The following PRKCH variants were observed in gnomAD, a reference collection of about 807,000 sequenced individuals.
The protein encoded by PRKCH is protein kinase C eta type.
Under a neutral mutation model 82.5 loss-of-function variants are expected in PRKCH, and 28 were observed. The ratio of observed to expected loss-of-function variants is 0.34; its 90% CI spans 0.25 to 0.47. The LOEUF is 0.47. PRKCH is among the 20% of genes least tolerant of loss of function. The probability of loss-of-function intolerance (pLI) is 1.00; values close to 1 mark genes in which losing one functional copy is unlikely to be tolerated. For synonymous variants in PRKCH, 322 were observed against 327.4 expected, an observed-to-expected ratio of 0.98 and a Z score of 0.18; for missense variants, 705 against 881.8, an observed-to-expected ratio of 0.80 and a Z score of 2.54.
chr14:61,251,550 T>C (rs1357039641), intron 1 of PRKCH, among the ~76,000 whole-genome samples: 1 of 152,244 alleles, frequency 6.6e-6, no homozygotes, highest in East Asian at 1.9e-4. Flanking sequence ...TTCTTATGGC[T>C]GAATGGTATT....
Position 61,491,422 on chromosome 14 carries a change from G to A in PRKCH, c.1433+5766G>A, listed in dbSNP as rs144086024. ...AGCCATGGGAATGCTCAGTATATTAGTAACTTTCACATCAGACTTTGGCTG... is the reference window on the plus strand; with the variant it reads ...AGCCATGGGAATGCTCAGTATATTAATAACTTTCACATCAGACTTTGGCTG... On this transcript the variant is annotated intron_variant, in intron 10 of 13. Transcript: ENST00000332981. Among the ~76,000 whole-genome samples the A allele has an allele frequency of 3.3e-4, 51 of 152,260 alleles. No individual in the cohort carries two copies. The East Asian group carries it at 7.7e-3, about 23-fold the overall frequency.
chr14:61,525,718 T>C (rs1285667937), intron 10 of PRKCH: 1 of 152,232 alleles, frequency 6.6e-6, no homozygotes, highest in Non-Finnish European at 1.5e-5. Flanking sequence ...TTAGCACTTG[T>C]TTCTGTTGCC....
At chr14:61,483,599 A>C (rs1159197402) in intron 9 of PRKCH, among the ~76,000 whole-genome samples, 1 of 152,208 alleles carries the variant, frequency 6.6e-6, no homozygotes, top group African/African-American at 2.4e-5. Flanking sequence ...ATAGGAGGTC[A>C]TAAGCCGTGC....
chr14:61,422,305 A>G (rs1166537088), intron 2 of PRKCH, among the ~76,000 whole-genome samples: 1 of 152,074 alleles, frequency 6.6e-6, no homozygotes, highest in Non-Finnish European at 1.5e-5. Flanking sequence ...GGCTGGCCTC[A>G]AACTCCTGGC....
chr14:61,404,421 A>G (rs1392083828), intron 2 of PRKCH, among the ~76,000 whole-genome samples: 1 of 152,194 alleles, frequency 6.6e-6, no homozygotes, highest in Non-Finnish European at 1.5e-5. Context: ...CAATACTTTT[A>G]TGTTATCCCC....
At chr14:61,443,928 A>G (rs184572251) in intron 3 of PRKCH, among the ~76,000 whole-genome samples, 4 of 152,202 alleles carry the variant, frequency 2.6e-5, no homozygotes, top group Admixed American at 2.6e-4. Context: ...TTGGAAAGGG[A>G]AGAAAGAAAG....
intron 10 of PRKCH, among the ~76,000 whole-genome samples, chr14:61,500,134 T>C (rs1196571697): frequency 6.6e-6 from 1 of 151,524 alleles, no homozygotes; most frequent in Admixed American, 6.6e-5. Flanking sequence ...AAATCAGAAC[T>C]ATCTGAACTA....
intron 1 of PRKCH, among the ~76,000 whole-genome samples, chr14:61,358,833 C>G (rs985046967): frequency 2.0e-5 from 3 of 152,126 alleles, no homozygotes; most frequent in South Asian, 4.2e-4. Context: ...TAGGCTCTTT[C>G]CCACCTTTGT....
At chr14:61,492,597 G>A (rs1226849397) in intron 10 of PRKCH, among the ~76,000 whole-genome samples, 1 of 152,184 alleles carries the variant, frequency 6.6e-6, no homozygotes, top group Non-Finnish European at 1.5e-5. Flanking sequence ...ACATTTTGAG[G>A]CATTCAACCC....
At chr14:61,362,341 A>T (rs1199138501) in intron 1 of PRKCH, among the ~76,000 whole-genome samples, 3 of 55,992 alleles carry the variant, frequency 5.4e-5, no homozygotes, top group Non-Finnish European at 8.7e-5. Context: ...ATCTTGTCTT[A>T]AAAAAAAAAA....
At position 61,322,265 on chromosome 14, in the gene PRKCH, G is replaced by C. The variant is rs2045636372; in HGVS notation, c.164G>C (p.Gly55Ala). Residue 55 changes from glycine to alanine, a missense_variant, in exon 1 of 14, where the codon GGC (glycine) becomes GCC (alanine). Physicochemically the swap from Gly to Ala is moderately conservative, Grantham distance 60 (BLOSUM62 0). This residue lies in a region of PRKCH where 246 missense variants were observed against 308.0 expected (regional missense o/e 0.80). Transcript: ENST00000332981. ...GTGAGCGTGGACCAGGTGCGCGTGGGCCAGACCAGCACCAAGCAGAAGACC... is the reference window on the plus strand; with the variant it reads ...GTGAGCGTGGACCAGGTGCGCGTGGCCCAGACCAGCACCAAGCAGAAGACC... The part of the protein sequence containing the change: ...LTVSVDQVRV[G>A]QTSTKQKTNK... 3.7e-6 allele frequency: 6 copies of C among 1,613,246 alleles called. No homozygotes were observed. The highest frequency in any genetic ancestry group is 5.1e-6 in the Non-Finnish European group (6 of 1,179,860).
At chr14:61,438,053 T>A (rs781353575) in intron 2 of PRKCH, among the ~76,000 whole-genome samples, 1 of 152,210 alleles carries the variant, frequency 6.6e-6, no homozygotes, top group Non-Finnish European at 1.5e-5. Flanking sequence ...GCTTATTAAC[T>A]TATCAAGTCC....
chr14:61,295,715 C>T (rs1270774669), intron 1 of PRKCH, among the ~76,000 whole-genome samples: 1 of 152,196 alleles, frequency 6.6e-6, no homozygotes, highest in Non-Finnish European at 1.5e-5. Context: ...TCCTTCTTCT[C>T]CCTTTGCAGC....
In PRKCH at chr14:61,249,810, G is replaced by C. The variant is rs1174928729; in HGVS notation, c.-19+62142G>C. Among the ~76,000 whole-genome samples the C allele has an allele frequency of 4.0e-5, 6 of 151,366 alleles. No homozygotes were observed. In the East Asian group the frequency reaches 1.2e-3, roughly 30 times the overall value. ...TAATTTTTGTATTTTTAGTAGAGAT[G>C]GGGTTTCACCATGTTGGTCAGGCTG... On this transcript the variant is annotated intron_variant, in intron 1 of 3. Transcript: ENST00000555185.
intron 1 of PRKCH, among the ~76,000 whole-genome samples, chr14:61,369,402 T>C (rs1594952752): frequency 6.6e-6 from 1 of 152,252 alleles, no homozygotes; most frequent in South Asian, 2.1e-4. Flanking sequence ...GAGAAATTGG[T>C]GTGGTTTCAT....
At chr14:61,206,826 G>A (rs2044527966) in intron 1 of PRKCH, among the ~76,000 whole-genome samples, 1 of 151,886 alleles carries the variant, frequency 6.6e-6, no homozygotes, top group African/African-American at 2.4e-5. Flanking sequence ...AAAGATGTTG[G>A]TGGGGCACGG....
chr14:61,199,867 G>A (rs2044466904), intron 1 of PRKCH, among the ~76,000 whole-genome samples: 2 of 152,108 alleles, frequency 1.3e-5, no homozygotes, highest in Admixed American at 1.3e-4. Flanking sequence ...TTTTTGGATT[G>A]GATTCCATCC....
intron 1 of PRKCH, among the ~76,000 whole-genome samples, chr14:61,286,345 A>G (rs1182292490): frequency 6.6e-6 from 1 of 152,302 alleles, no homozygotes; most frequent in East Asian, 1.9e-4. Flanking sequence ...TTCAAAAGTT[A>G]TGGAGTGGTA....
chr14:61,260,497 G>A (rs889384563), intron 1 of PRKCH, among the ~76,000 whole-genome samples: 1 of 152,168 alleles, frequency 6.6e-6, no homozygotes, highest in Non-Finnish European at 1.5e-5. Context: ...GCTGAGGCTA[G>A]CAGATTTGTG....
Sources: gnomAD v4.1 joint callset for allele counts (sites outside exome capture counted in the v4.1 genomes callset) on GRCh38, gnomAD v4.1.1 for gene constraint, gnomAD v4.1.1 regional missense constraint, MANE v1.5 for transcripts, NCBI Gene and HGNC (gene_info 2026-07-23, HGNC 2026-07-21) for gene names.